The following SLC22A9 variants were observed in gnomAD, a reference collection of about 807,000 sequenced individuals.
SLC22A9 encodes the protein solute carrier family 22 member 9, also known as organic anion transporter 7.
A neutral mutation model predicts 50.1 loss-of-function variants in SLC22A9; 64 were observed. The ratio of observed to expected loss-of-function variants is 1.28; its 90% CI spans 1.04 to 1.57. The LOEUF (loss-of-function observed/expected upper bound fraction) is 1.57. Ranked by LOEUF, SLC22A9 falls within the 40% of genes most tolerant of loss-of-function variation. SLC22A9 has a pLI of 0.00. For missense variants in SLC22A9, 757 were observed against 676.1 expected (o/e 1.12, Z -1.33); for synonymous variants, 261 against 242.5 (o/e 1.08, Z -0.71).
In SLC22A9 at chr11:63,392,996, T is replaced by C. The variant is rs545811586; in HGVS notation, c.1073+10719T>C. 1.4e-3 allele frequency among the ~76,000 whole-genome samples: 212 copies of C among 152,304 alleles called. 1 individual carries two copies. In the Middle Eastern group the frequency reaches 0.024, roughly 17 times the overall value. On this transcript the variant is annotated intron_variant, in intron 6 of 9. Transcript: ENST00000279178. ...CTCTCTTTTGGTTTCATATGAATTA[T>C]AGAATTGTTTTTTCTAATTCTGTGA...
chr11:63,398,049 C>G (rs567843341), intron 6 of SLC22A9, among the ~76,000 whole-genome samples: 40 of 152,310 alleles, frequency 2.6e-4, no homozygotes, highest in African/African-American at 9.6e-4. Context: ...AGTGAACTAC[C>G]TGGCCACCAC....
At chr11:63,398,567 G>C (rs533873316) in intron 6 of SLC22A9, among the ~76,000 whole-genome samples, 1 of 152,194 alleles carries the variant, frequency 6.6e-6, no homozygotes, top group African/African-American at 2.4e-5. Flanking sequence ...GTTGCTGGCT[G>C]AGTTCTGTCT....
chr11:63,381,769 C>T (rs1189014545), intron 5 of SLC22A9, among the ~76,000 whole-genome samples: 1 of 152,164 alleles, frequency 6.6e-6, no homozygotes, highest in Non-Finnish European at 1.5e-5. Context: ...GGGCAGTGAG[C>T]TGAGAACCAA....
intron 2 of SLC22A9, among the ~76,000 whole-genome samples, chr11:63,371,668 A>G (rs2014361923): frequency 1.3e-5 from 2 of 152,208 alleles, no homozygotes; most frequent in African/African-American, 4.8e-5. Flanking sequence ...TGTGATGAAC[A>G]CGCATTCCTC....
intron 2 of SLC22A9, among the ~76,000 whole-genome samples, chr11:63,373,332 C>T (rs190284612): frequency 1.1e-4 from 17 of 152,148 alleles, no homozygotes; most frequent in Middle Eastern, 3.4e-3. Context: ...GTTATTAGTA[C>T]GCTGTGTGTT....
At chr11:63,398,717 G>T (rs2014903379) in intron 6 of SLC22A9, among the ~76,000 whole-genome samples, 1 of 150,618 alleles carries the variant, frequency 6.6e-6, no homozygotes. Context: ...GTTGGCACTG[G>T]CAATTCAAGG....
intron 6 of SLC22A9, among the ~76,000 whole-genome samples, chr11:63,386,922 T>C (rs1480214369): frequency 1.3e-5 from 2 of 152,044 alleles, no homozygotes; most frequent in African/African-American, 2.4e-5. Context: ...TGGTTATATC[T>C]TGTCTTCTGC....
At position 63,408,784 on chromosome 11, in the gene SLC22A9, TG is replaced by T. The variant is rs777253810; in HGVS notation, c.1508del (p.Gly503GlufsTer48). ...YSPPLPWIIY[G>X]VFPFISGFAF... ...CTCCACCCCTGCCCTGGATCATCTATGGAGTCTTCCCCTTCATCTCTGGCTT... is the reference window on the plus strand; with the variant it reads ...CTCCACCCCTGCCCTGGATCATCTATGAGTCTTCCCCTTCATCTCTGGCTT... On this transcript the variant is annotated frameshift_variant, in exon 9 of 10. Coordinates refer to ENST00000279178, the MANE Select transcript of SLC22A9 (RefSeq NM_080866.3). LOFTEE classifies it high-confidence loss of function. The T allele has an allele frequency of 6.2e-7, 1 of 1,613,902 alleles. No individual in the cohort carries two copies. Among genetic ancestry groups the T allele is most frequent in the East Asian group, 2.2e-5 (1 of 44,882 alleles).
intron 7 of SLC22A9, among the ~76,000 whole-genome samples, chr11:63,406,979 T>A (rs1591029864): frequency 6.6e-6 from 1 of 152,226 alleles, no homozygotes; most frequent in East Asian, 1.9e-4. Context: ...TGACAGTTTC[T>A]CTACAACAGC....
At chr11:63,403,726 A>G (rs1356419411) in intron 6 of SLC22A9, among the ~76,000 whole-genome samples, 1 of 152,134 alleles carries the variant, frequency 6.6e-6, no homozygotes, top group African/African-American at 2.4e-5. Flanking sequence ...AGAAAAGGAG[A>G]TAAAATATGA....
intron 6 of SLC22A9, among the ~76,000 whole-genome samples, chr11:63,383,586 A>C (rs1247189729): frequency 6.6e-6 from 1 of 152,174 alleles, no homozygotes; most frequent in Non-Finnish European, 1.5e-5. Context: ...CTGTTTCTTC[A>C]AATGTGCATA....
Position 63,373,912 on chromosome 11 carries a change from ACAGATTCCAGGC to A in SLC22A9, c.683_694del (p.Arg228_Ala231del), listed in dbSNP as rs754635468. 6.2e-6 allele frequency: 10 copies of A among 1,613,460 alleles called. No individual in the cohort carries two copies. The highest frequency in any genetic ancestry group is 5.0e-5 in the Admixed American group (3 of 59,898). On this transcript the variant is annotated inframe_deletion, in exon 4 of 10. Coordinates refer to ENST00000279178, the MANE Select transcript of SLC22A9 (RefSeq NM_080866.3). ...CTTCCAGTAGCCGAGTGGGCAACAC[ACAGATTCCAGGC>A]CATGGGAATTACATTGGGAATGTGC...
chr11:63,378,629 G>C (rs1383049232), intron 5 of SLC22A9, among the ~76,000 whole-genome samples: 2 of 152,076 alleles, frequency 1.3e-5, no homozygotes, highest in Non-Finnish European at 2.9e-5. Flanking sequence ...CCCTGTAGTT[G>C]TAGCCCAAAA....
At chr11:63,400,992 G>T (rs1430738732) in intron 6 of SLC22A9, among the ~76,000 whole-genome samples, 1 of 151,938 alleles carries the variant, frequency 6.6e-6, no homozygotes, top group Non-Finnish European at 1.5e-5. Context: ...GAGCATAAAA[G>T]GAAAATACCT....
chr11:63,374,561 C>G (rs1006826816), intron 4 of SLC22A9, among the ~76,000 whole-genome samples: 8 of 152,100 alleles, frequency 5.3e-5, no homozygotes, highest in Non-Finnish European at 1.2e-4. Flanking sequence ...ACCAGCAACC[C>G]ATGACATGGG....
intron 6 of SLC22A9, among the ~76,000 whole-genome samples, chr11:63,392,624 C>T (rs898768345): frequency 6.6e-6 from 1 of 151,908 alleles, no homozygotes; most frequent in Non-Finnish European, 1.5e-5. Context: ...GTTACTTGTT[C>T]CTTTTCTCTT....
chr11:63,383,563 T>C (rs1024590329), intron 6 of SLC22A9, among the ~76,000 whole-genome samples: 3 of 152,008 alleles, frequency 2.0e-5, no homozygotes, highest in African/African-American at 7.2e-5. Context: ...TCTGGGAAGA[T>C]AGGAAGAGGG....
chr11:63,385,111 T>TTTG (rs2014640146), intron 6 of SLC22A9, among the ~76,000 whole-genome samples: 3 of 137,402 alleles, frequency 2.2e-5, no homozygotes, highest in South Asian at 2.2e-4. Context: ...ATACAGTTTT[T>TTTG]TTTTTTTTTT....
rs1201451581 is a variant in SLC22A9 at position 63,373,893 on chromosome 11, G to C, written c.662-1G>C. 2 of 1,611,174 alleles carry C rather than the reference G, an allele frequency of 1.2e-6. No homozygotes were observed. The highest frequency in any genetic ancestry group is 1.7e-6 in the Non-Finnish European group (2 of 1,178,892). On this transcript the variant is annotated splice_acceptor_variant, in intron 3 of 9. Transcript: ENST00000279178. LOFTEE classifies it high-confidence loss of function. ...AAAGCCTTATCTGTTTTTTCTTCCAGTAGCCGAGTGGGCAACACACAGATT... is the reference window on the plus strand; with the variant it reads ...AAAGCCTTATCTGTTTTTTCTTCCACTAGCCGAGTGGGCAACACACAGATT...
Sources: allele counts gnomAD v4.1 joint callset (sites outside exome capture counted in the v4.1 genomes callset), GRCh38; gene constraint gnomAD v4.1.1; transcripts MANE v1.5; gene names NCBI Gene and HGNC (gene_info 2026-07-23, HGNC 2026-07-21).